Variants in PDLIM5 observed in about 807,000 individuals in gnomAD.
The protein encoded by PDLIM5 is PDZ and LIM domain protein 5.
PDLIM5 carries 34 observed loss-of-function variants against 64.2 expected under a neutral mutation model. That is an observed-to-expected ratio of 0.53 (90% CI 0.40 to 0.71). The LOEUF (loss-of-function observed/expected upper bound fraction) is 0.71, where lower values mean the gene tolerates loss of function less well. Among genes scored for constraint, PDLIM5 ranks in the 30% least tolerant of loss-of-function variants. The probability of loss-of-function intolerance (pLI) is 0.00; values close to 1 mark genes in which losing one functional copy is unlikely to be tolerated. For missense variants in PDLIM5, 683 were observed against 733.6 expected (o/e 0.93, Z 0.80); for synonymous variants, 253 against 269.1 (o/e 0.94, Z 0.59).
chr4:94,627,655 A>C (rs1041712438), intron 8 of PDLIM5, among the ~76,000 whole-genome samples: 1 of 152,228 alleles, frequency 6.6e-6, no homozygotes, highest in Non-Finnish European at 1.5e-5. Context: ...TTCATGCCAC[A>C]ATGGCAGAGT....
chr4:94,638,191 G>A (rs577547902), intron 8 of PDLIM5, among the ~76,000 whole-genome samples: 1 of 152,318 alleles, frequency 6.6e-6, no homozygotes, highest in African/African-American at 2.4e-5. Context: ...GAAGAAATCA[G>A]GCCTGGATAA....
chr4:94,647,375 G>T (rs1294023615), intron 9 of PDLIM5, among the ~76,000 whole-genome samples: 2 of 151,572 alleles, frequency 1.3e-5, no homozygotes, highest in Admixed American at 1.3e-4. Context: ...TAAAATCGAT[G>T]TTAAGACAAA....
At chr4:94,618,469 T>G (rs923912754) in intron 8 of PDLIM5, among the ~76,000 whole-genome samples, 2 of 152,262 alleles carry the variant, frequency 1.3e-5, no homozygotes, top group African/African-American at 4.8e-5. Context: ...AATTGTAAAT[T>G]TGGGTCTTAT....
chr4:94,495,782 C>G (rs886453955), intron 2 of PDLIM5, among the ~76,000 whole-genome samples: 1 of 152,174 alleles, frequency 6.6e-6, no homozygotes, highest in Non-Finnish European at 1.5e-5. Context: ...AGTTCCTGAA[C>G]TCACGTATGA....
intron 5 of PDLIM5, among the ~76,000 whole-genome samples, chr4:94,576,523 T>A (rs895654691): frequency 6.6e-6 from 1 of 152,222 alleles, no homozygotes; most frequent in African/African-American, 2.4e-5. Flanking sequence ...CATGTCTATA[T>A]GTGAAGCATT....
chr4:94,662,777 A>G (rs1029703566), intron 12 of PDLIM5, among the ~76,000 whole-genome samples: 6 of 151,924 alleles, frequency 3.9e-5, no homozygotes, highest in South Asian at 2.1e-4. Flanking sequence ...ATTTTTGTCT[A>G]TAAGGAGAAG....
chr4:94,584,679 C>A (rs980137030), intron 5 of PDLIM5: 2 of 308,408 alleles, frequency 6.5e-6, no homozygotes, highest in East Asian at 1.2e-4. Context: ...AAATTGTATT[C>A]GGAATTGCTA....
At chr4:94,627,060 A>G (rs1739756191) in intron 8 of PDLIM5, among the ~76,000 whole-genome samples, 1 of 152,200 alleles carries the variant, frequency 6.6e-6, no homozygotes, top group Non-Finnish European at 1.5e-5. Flanking sequence ...AAATTTTTAT[A>G]TGAATAAGTA....
At chr4:94,595,447 CA>C (rs1334875701) in intron 7 of PDLIM5, among the ~76,000 whole-genome samples, 1 of 152,210 alleles carries the variant, frequency 6.6e-6, no homozygotes, top group African/African-American at 2.4e-5. Flanking sequence ...TATCTTCTAG[CA>C]CCAAATAATG....
chr4:94,631,433 A>G (rs754413690), intron 8 of PDLIM5, among the ~76,000 whole-genome samples: 4 of 152,182 alleles, frequency 2.6e-5, no homozygotes, highest in Non-Finnish European at 5.9e-5. Flanking sequence ...CTGTTAAGAG[A>G]CTTCAAGGAA....
intron 11 of PDLIM5, among the ~76,000 whole-genome samples, chr4:94,659,900 C>CTTT (rs11424534): frequency 2.8e-5 from 4 of 140,986 alleles, no homozygotes; most frequent in Admixed American, 1.4e-4. Flanking sequence ...AAAAATTACA[C>CTTT]TTTTTTTTTT....
intron 5 of PDLIM5, chr4:94,577,300 A>C: frequency 2.2e-6 from 1 of 456,596 alleles, no homozygotes; most frequent in South Asian, 1.5e-5. Flanking sequence ...TGTAATGAAG[A>C]GGCTGTGCTT....
At position 94,600,922 on chromosome 4, in the gene PDLIM5, A is replaced by T. The variant is rs1737436626; in HGVS notation, c.920+14478A>T. On this transcript the variant is annotated intron_variant, in intron 7 of 12. Coordinates refer to ENST00000317968, the MANE Select transcript of PDLIM5 (RefSeq NM_006457.5). Reference sequence around the variant, plus strand: ...TAGAGATCAAAGAATACTCTAGATAACTAAAGAATTTACAAAATATTAAGT... The same window carrying T: ...TAGAGATCAAAGAATACTCTAGATATCTAAAGAATTTACAAAATATTAAGT... Among the ~76,000 whole-genome samples the T allele has an allele frequency of 1.3e-5, 2 of 152,258 alleles. 1 individual carries two copies. Among genetic ancestry groups the T allele is most frequent in the South Asian group, 4.1e-4 (2 of 4,838 alleles).
At chr4:94,493,318 A>AT (rs934733911) in intron 2 of PDLIM5, among the ~76,000 whole-genome samples, 92 of 146,250 alleles carry the variant, frequency 6.3e-4, no homozygotes, top group African/African-American at 1.0e-3. Context: ...TTCTTGATGG[A>AT]TTTTTTTTTT....
chr4:94,630,490 T>A (rs1740054636), intron 8 of PDLIM5, among the ~76,000 whole-genome samples: 1 of 152,086 alleles, frequency 6.6e-6, no homozygotes, highest in Non-Finnish European at 1.5e-5. Context: ...TTCTCCTGCC[T>A]CGGCCTAACA....
rs183583453 is a variant in PDLIM5, at chr4:94,515,578, A to G, written c.97-8146A>G. Among the ~76,000 whole-genome samples the G allele has an allele frequency of 3.2e-3, 489 of 152,284 alleles. 2 individuals are homozygous for G. Among genetic ancestry groups the G allele is most frequent in the African/African-American group, 0.011 (461 of 41,564 alleles). On this transcript the variant is annotated intron_variant, in intron 2 of 12. Coordinates refer to ENST00000317968, the MANE Select transcript of PDLIM5 (RefSeq NM_006457.5). ...ACACTTAGAGAAACTCTGTTCTCAC[A>G]TTTCATTAAATCGTAAGTTCCTATA...
rs554611677 is a variant in PDLIM5, at chr4:94,556,523, C to G, written c.249-16828C>G. 1.1e-4 allele frequency among the ~76,000 whole-genome samples: 17 copies of G among 152,328 alleles called. No individual in the cohort carries two copies. In the South Asian group the frequency reaches 3.3e-3, roughly 30 times the overall value. On this transcript the variant is annotated intron_variant, in intron 3 of 12. Coordinates refer to ENST00000317968, the MANE Select transcript of PDLIM5 (RefSeq NM_006457.5). ...TTGAACTAGTTTACAGTCCCACCAA[C>G]AGTGTAAAAGTGTTCCTGTTTCTCC...
chr4:94,566,172 G>A (rs564684158), intron 3 of PDLIM5, among the ~76,000 whole-genome samples: 14 of 152,270 alleles, frequency 9.2e-5, no homozygotes, highest in South Asian at 2.1e-4. Flanking sequence ...GACCACTTGG[G>A]TTCTAATCCG....
intron 3 of PDLIM5, among the ~76,000 whole-genome samples, chr4:94,525,282 G>A (rs1372185444): frequency 6.6e-6 from 1 of 152,106 alleles, no homozygotes; most frequent in Non-Finnish European, 1.5e-5. Context: ...AGATGGGTGT[G>A]GTGGTGCATG....
Sources: gnomAD v4.1 joint callset for allele counts (sites outside exome capture counted in the v4.1 genomes callset) on GRCh38, gnomAD v4.1.1 for gene constraint, MANE v1.5 for transcripts, NCBI Gene and HGNC (gene_info 2026-07-23, HGNC 2026-07-21) for gene names.